GLYAT: variants seen among roughly 807,000 people sequenced by gnomAD.
GLYAT encodes glycine N-acyltransferase.
A neutral mutation model predicts 22.8 loss-of-function variants in GLYAT; 25 were observed. That is an observed-to-expected ratio of 1.09 (90% CI 0.80 to 1.53). The LOEUF (loss-of-function observed/expected upper bound fraction) is 1.53. Ranked by LOEUF, GLYAT falls within the 40% of genes most tolerant of loss-of-function variation. The pLI is 0.00. For missense variants in GLYAT, 411 were observed against 353.9 expected (o/e 1.16, Z -1.29); for synonymous variants, 140 against 122.7 (o/e 1.14, Z -0.93).
chr11:58,722,320 C>T (rs946500764), intron 2 of GLYAT, among the ~76,000 whole-genome samples: 9 of 152,004 alleles, frequency 5.9e-5, no homozygotes, highest in Non-Finnish European at 1.0e-4. Flanking sequence ...GTTCACTTTG[C>T]CAAGGTTGAG....
chr11:58,730,904 C>A lies in GLYAT; in HGVS notation c.-16+931G>T, dbSNP rs1304556708. Among the ~76,000 whole-genome samples, 6 of 152,088 alleles carry A rather than the reference C, an allele frequency of 3.9e-5. No homozygotes were observed. The East Asian group carries it at 1.2e-3, about 29-fold the overall frequency. On this transcript the variant is annotated intron_variant, in intron 1 of 5. Coordinates refer to ENST00000344743, the MANE Select transcript of GLYAT (RefSeq NM_201648.3). ...CCAACAGAGTGATGCAACCCTAAGG[C>A]ATTAACATAATGCCTACAGACATAA...
intron 3 of GLYAT, 138 bp downstream of exon 3, chr11:58,715,178 C>T (rs1390298890): frequency 3.4e-5 from 19 of 550,760 alleles, no homozygotes; most frequent in South Asian, 1.6e-4. Context: ...TTTCAGACTC[C>T]GAGCTTCTTG....
Position 58,718,576 on chromosome 11 carries a change from C to A in GLYAT, c.82-3153G>T, listed in dbSNP as rs191615752. Among the ~76,000 whole-genome samples, 453 of 152,034 alleles carry A rather than the reference C, an allele frequency of 3.0e-3. 2 individuals are homozygous for A. Among genetic ancestry groups the A allele is most frequent in the Non-Finnish European group, 5.0e-3 (337 of 67,902 alleles). On this transcript the variant is annotated intron_variant, in intron 2 of 5. Coordinates refer to ENST00000344743, the MANE Select transcript of GLYAT (RefSeq NM_201648.3). ...TGGAGTTTTATAGCTGATTATAAAA[C>A]CACCTTCTAAAGAGGACCAACACAA...
At chr11:58,729,142 A>G (rs1856846270) in intron 1 of GLYAT, among the ~76,000 whole-genome samples, 1 of 152,144 alleles carries the variant, frequency 6.6e-6, no homozygotes, top group African/African-American at 2.4e-5. Flanking sequence ...GTAAGACCAC[A>G]GTGGATTTCT....
At chr11:58,716,111 C>A (rs1046065794) in intron 2 of GLYAT, among the ~76,000 whole-genome samples, 1 of 152,076 alleles carries the variant, frequency 6.6e-6, no homozygotes, top group Non-Finnish European at 1.5e-5. Context: ...TAGATCCCCA[C>A]CCTTGCCCTG....
chr11:58,721,591 A>G (rs1221640640), intron 2 of GLYAT, among the ~76,000 whole-genome samples: 1 of 152,026 alleles, frequency 6.6e-6, no homozygotes, highest in African/African-American at 2.4e-5. Context: ...ACACATACAC[A>G]CATACATCTT....
Position 58,709,840 on chromosome 11 carries a change from G to T in GLYAT, c.817C>A (p.Gln273Lys). ...SHVDYSNEAM[Q>K]KMSYTLQHVP... ...TGTTGCAGTGTGTAACTCATTTTTT[G>T]CATAGCTTCATTGCTGTAGTCTACA... The change falls in exon 6 of 6, where the codon CAA (glutamine) becomes AAA (lysine). Residue 273 changes from glutamine (Q) to lysine (K), a missense_variant. Physicochemically the swap from Gln to Lys is moderately conservative, Grantham distance 53 (BLOSUM62 1). Coordinates refer to ENST00000344743, the MANE Select transcript of GLYAT (RefSeq NM_201648.3). 1 of 1,612,808 alleles carries T rather than the reference G, an allele frequency of 6.2e-7. No individual in the cohort carries two copies. Among genetic ancestry groups the T allele is most frequent in the South Asian group, 1.1e-5 (1 of 90,988 alleles).
intron 5 of GLYAT, 130 bp from the exon 6 acceptor site, chr11:58,710,298 C>T: frequency 7.1e-7 from 1 of 1,403,028 alleles, no homozygotes; most frequent in Non-Finnish European, 9.4e-7. Context: ...TATAGATGAG[C>T]TTGTGATGAA....
intron 2 of GLYAT, among the ~76,000 whole-genome samples, chr11:58,721,611 C>T (rs1225955618): frequency 1.3e-5 from 2 of 151,818 alleles, no homozygotes; most frequent in Non-Finnish European, 2.9e-5. Context: ...TGGATGTTAG[C>T]CTTTTAATTA....
intron 1 of GLYAT, among the ~76,000 whole-genome samples, chr11:58,727,166 T>C (rs965088310): frequency 6.6e-6 from 1 of 152,124 alleles, no homozygotes; most frequent in African/African-American, 2.4e-5. Context: ...AATTAGTGTC[T>C]TTTTTGGCAA....
At chr11:58,730,918 C>A (rs1856865052) in intron 1 of GLYAT, among the ~76,000 whole-genome samples, 2 of 151,988 alleles carry the variant, frequency 1.3e-5, no homozygotes, top group African/African-American at 2.4e-5. Flanking sequence ...AACATAATGC[C>A]TACAGACATA....
At chr11:58,728,209 C>T (rs529073224) in intron 1 of GLYAT, among the ~76,000 whole-genome samples, 4 of 151,920 alleles carry the variant, frequency 2.6e-5, no homozygotes, top group East Asian at 1.9e-4. Context: ...ATTACAGGCA[C>T]GCAACACCAC....
rs199704121 is a variant in GLYAT, at chr11:58,717,155, C to CT, written c.82-1733_82-1732insA. 5.2e-3 allele frequency among the ~76,000 whole-genome samples: 793 copies of CT among 151,904 alleles called. 13 individuals carry two copies. The highest frequency in any genetic ancestry group is 0.017 in the African/African-American group (693 of 41,378). On this transcript the variant is annotated intron_variant, in intron 2 of 5. Transcript: ENST00000344743. Reference sequence around the variant, plus strand: ...CCAAGATATTTTCCTTTTATATGCCCCCCATCCTTTTTGTAAAATCTTTTG... The same window carrying CT: ...CCAAGATATTTTCCTTTTATATGCCCTCCCATCCTTTTTGTAAAATCTTTTG...
chr11:58,728,892 A>AGGAG (rs1856840970), intron 1 of GLYAT, among the ~76,000 whole-genome samples: 8 of 89,116 alleles, frequency 9.0e-5, no homozygotes, highest in African/African-American at 3.6e-4. Context: ...GAAAGAAAGA[A>AGGAG]GGAAGGAAGG....
In GLYAT at chr11:58,722,626, T is replaced by C. The variant is rs188155341; in HGVS notation, c.81+1790A>G. On this transcript the variant is annotated intron_variant, in intron 2 of 5. Transcript: ENST00000344743. ...GAGGCAATCAGATATGCATCTATCT[T>C]AGCAACTTTGAATAAATAGAATGGG... Among the ~76,000 whole-genome samples, 697 of 152,192 alleles carry C rather than the reference T, an allele frequency of 4.6e-3. 6 individuals are homozygous for C. The highest frequency in any genetic ancestry group is 0.016 in the African/African-American group (663 of 41,544).
intron 1 of GLYAT, among the ~76,000 whole-genome samples, chr11:58,725,134 T>C (rs949819272): frequency 6.6e-6 from 1 of 152,162 alleles, no homozygotes; most frequent in Admixed American, 6.6e-5. Flanking sequence ...TGACATGGTC[T>C]AAATATAAAC....
intron 2 of GLYAT, among the ~76,000 whole-genome samples, chr11:58,720,593 TC>T: frequency 6.6e-6 from 1 of 151,972 alleles, no homozygotes; most frequent in Non-Finnish European, 1.5e-5. Flanking sequence ...AACAGTCTTT[TC>T]CCCAAACAAA....
chr11:58,728,882 GAAAGAAA>G (rs1856839577), intron 1 of GLYAT, among the ~76,000 whole-genome samples: 12 of 118,074 alleles, frequency 1.0e-4, no homozygotes, highest in African/African-American at 3.9e-4. Flanking sequence ...AAGAAAGAAA[GAAAGAAA>G]GAAGGAAGGA....
At chr11:58,717,479 AGTT>A (rs1856698145) in intron 2 of GLYAT, among the ~76,000 whole-genome samples, 1 of 152,046 alleles carries the variant, frequency 6.6e-6, no homozygotes, top group South Asian at 2.1e-4. Flanking sequence ...CTGAAGTTTA[AGTT>A]GTTTGGCTTC....
Sources: allele counts gnomAD v4.1 joint callset (sites outside exome capture counted in the v4.1 genomes callset), GRCh38; gene constraint gnomAD v4.1.1; transcripts MANE v1.5; gene names NCBI Gene and HGNC (gene_info 2026-07-23, HGNC 2026-07-21).